The following SP140 variants were observed in gnomAD, a reference collection of about 807,000 sequenced individuals.
SP140 encodes the protein nuclear body protein SP140.
Under a neutral mutation model 125.0 loss-of-function variants are expected in SP140, and 81 were observed. The ratio of observed to expected loss-of-function variants is 0.65; its 90% confidence interval spans 0.54 to 0.78. The LOEUF (loss-of-function observed/expected upper bound fraction) is 0.78. Among genes scored for constraint, SP140 ranks in the 30% least tolerant of loss-of-function variants. The pLI is 0.00. For missense variants in SP140, 858 were observed against 1,037.0 expected, an observed-to-expected ratio of 0.83 and a Z score of 2.37; for synonymous variants, 312 against 354.0, an observed-to-expected ratio of 0.88 and a Z score of 1.33.
chr2:230,286,722 A>T (rs2056431036), intron 17 of SP140, among the ~76,000 whole-genome samples: 1 of 152,164 alleles, frequency 6.6e-6, no homozygotes, highest in Non-Finnish European at 1.5e-5. Flanking sequence ...CTAAGGTTAC[A>T]TATGTGGCCT....
chr2:230,227,967 C>CT (rs1197392769), intron 1 of SP140, among the ~76,000 whole-genome samples: 1 of 151,854 alleles, frequency 6.6e-6, no homozygotes, highest in Non-Finnish European at 1.5e-5. Context: ...TAAATTGCTC[C>CT]TTTTTTCTCT....
chr2:230,295,625 A>G (rs2057630712), intron 21 of SP140, among the ~76,000 whole-genome samples: 1 of 152,194 alleles, frequency 6.6e-6, no homozygotes. Context: ...AGGATCCATT[A>G]TGAACTCCAT....
intron 12 of SP140, among the ~76,000 whole-genome samples, chr2:230,259,344 C>T (rs1361910255): frequency 1.3e-5 from 2 of 151,968 alleles, no homozygotes; most frequent in Non-Finnish European, 2.9e-5. Flanking sequence ...TGAGAACATA[C>T]AGTGTTTGGT....
At chr2:230,269,688 T>C in intron 13 of SP140, 70 bp downstream of exon 13, 2 of 1,159,470 alleles carry the variant, frequency 1.7e-6, no homozygotes, top group South Asian at 3.0e-5. Flanking sequence ...GGAGAAAAAA[T>C]AGACTTAAAG....
At chr2:230,282,648 C>T in intron 15 of SP140, among the ~76,000 whole-genome samples, 1 of 152,136 alleles carries the variant, frequency 6.6e-6, no homozygotes, top group Non-Finnish European at 1.5e-5. Flanking sequence ...CACACACGTA[C>T]CCACACACAT....
At chr2:230,221,920 T>A, upstream of SP140, 1 of 615,158 alleles carries the variant, frequency 1.6e-6, no homozygotes, top group South Asian at 1.9e-5. Context: ...ATGAAAGATG[T>A]TTATTCTAAG....
At chr2:230,270,091 A>G in intron 14 of SP140, 138 bp downstream of exon 14, 1 of 640,822 alleles carries the variant, frequency 1.6e-6, no homozygotes, top group Non-Finnish European at 2.8e-6. Context: ...GGGGAGCTGC[A>G]GGGAGGCAAG....
chr2:230,211,534 G>GA lies in SP140; in HGVS notation c.-322-2119dup, dbSNP rs763364899. The GA allele has an allele frequency of 1.9e-6, 3 of 1,609,936 alleles. No homozygotes were observed. The Admixed American group carries it at 5.0e-5, about 27-fold the overall frequency. ...GGTCTTCTTTATCTCTTATTTGGGG[G>GA]ATCAGGTTGTCACTGGCCACTGAAT... On this transcript the variant is annotated intron_variant, in intron 1 of 4. Coordinates refer to the SP140 transcript ENST00000456542. The surrounding 1 kb of genome is among the most constrained non-coding windows in gnomAD (Gnocchi z 4.2).
intron 3 of SP140, among the ~76,000 whole-genome samples, chr2:230,241,077 A>G (rs1392245814): frequency 6.6e-6 from 1 of 152,228 alleles, no homozygotes; most frequent in Non-Finnish European, 1.5e-5. Flanking sequence ...TCCTATTTAT[A>G]TAAGTACAAG....
intron 1 of SP140, among the ~76,000 whole-genome samples, chr2:230,227,474 C>T (rs931188686): frequency 6.6e-6 from 1 of 152,202 alleles, no homozygotes; most frequent in African/African-American, 2.4e-5. Flanking sequence ...TGCCTCTGCT[C>T]TTATTTTTGG....
At chr2:230,250,336 A>G (rs936103940) in intron 9 of SP140, among the ~76,000 whole-genome samples, 7 of 152,102 alleles carry the variant, frequency 4.6e-5, no homozygotes, top group Non-Finnish European at 8.8e-5. Flanking sequence ...TCCACCCTTC[A>G]TGGGTCCCCA....
intron 3 of SP140, among the ~76,000 whole-genome samples, chr2:230,219,253 A>G (rs577329180): frequency 1.3e-5 from 2 of 152,230 alleles, no homozygotes; most frequent in Non-Finnish European, 2.9e-5. Flanking sequence ...ACAACCAAAA[A>G]AAGTGTAAAT....
upstream of SP140, among the ~76,000 whole-genome samples, chr2:230,224,256 C>T (rs983532791): frequency 1.3e-5 from 2 of 152,130 alleles, no homozygotes; most frequent in Non-Finnish European, 2.9e-5. Context: ...ATGTCCAGTT[C>T]ATTGGTGTCC....
chr2:230,229,938 G>A (rs1026000432), intron 1 of SP140, among the ~76,000 whole-genome samples: 1 of 150,230 alleles, frequency 6.7e-6, no homozygotes, highest in Non-Finnish European at 1.5e-5. Flanking sequence ...GGGGTTTTTT[G>A]TTTTTTTTCC....
intron 8 of SP140, among the ~76,000 whole-genome samples, chr2:230,248,351 G>GGTT (rs1295183575): frequency 1.3e-5 from 2 of 152,180 alleles, no homozygotes; most frequent in Non-Finnish European, 2.9e-5. Flanking sequence ...ACTGGGTGAT[G>GGTT]GTTGTGCAAG....
intron 10 of SP140, 45 bp from the exon 11 acceptor site, chr2:230,253,271 A>C: frequency 7.3e-7 from 1 of 1,376,298 alleles, no homozygotes; most frequent in Non-Finnish European, 1.0e-6. Context: ...GGATGGCGTG[A>C]ATGCACTGAG....
At chr2:230,292,225 T>G (rs62191204) in intron 19 of SP140, among the ~76,000 whole-genome samples, 15 of 152,214 alleles carry the variant, frequency 9.9e-5, no homozygotes, top group Non-Finnish European at 1.2e-4. Flanking sequence ...GGCACCCATC[T>G]GAGACCGTAG....
In SP140 at chr2:230,244,918, C is replaced by T. The variant is rs567402728; in HGVS notation, c.572-70C>T. 33 of 1,117,480 alleles carry T rather than the reference C, an allele frequency of 3.0e-5. No homozygotes were observed. The South Asian group carries it at 4.1e-4, about 14-fold the overall frequency. 69.2% of individuals were successfully genotyped at this position (1,117,480 alleles called of 1,614,324 possible). A position where few individuals can be genotyped will look rare whatever the true frequency, so the allele number is the denominator to read the frequency against. On this transcript the variant is annotated intron_variant, in intron 5 of 26. Transcript: ENST00000392045. ...TTGCAAGGAGAAGCTCACTTGAGTG[C>T]TGAACACCAGGATTCAGCAGGAGCA...
chr2:230,209,070 T>C (rs1011354784), intron 1 of SP140, among the ~76,000 whole-genome samples: 2 of 152,184 alleles, frequency 1.3e-5, no homozygotes, highest in African/African-American at 4.8e-5. Flanking sequence ...TTTTTGATTC[T>C]TTTTCTTTTG....
Sources: gnomAD v4.1 joint callset for allele counts (sites outside exome capture counted in the v4.1 genomes callset) on GRCh38, gnomAD v4.1.1 for gene constraint, Gnocchi (gnomAD v3.1) non-coding constraint, MANE v1.5 for transcripts, NCBI Gene and HGNC (gene_info 2026-07-23, HGNC 2026-07-21) for gene names.